Variants in NDRG2 observed in about 807,000 individuals in gnomAD.
NDRG2 encodes protein NDRG2.
Under a neutral mutation model 58.2 loss-of-function variants are expected in NDRG2, and 34 were observed. The observed-to-expected ratio is 0.58, with a 90% CI of 0.44 to 0.78. The LOEUF is 0.78. NDRG2 is among the 30% of genes least tolerant of loss of function. NDRG2 has a pLI of 0.00. For missense variants in NDRG2, 434 were observed against 471.2 expected (o/e 0.92, Z 0.73); for synonymous variants, 187 against 175.9 (o/e 1.06, Z -0.50).
At chr14:21,063,066 G>T (rs1005723104) in intron 1 of NDRG2, among the ~76,000 whole-genome samples, 5 of 151,920 alleles carry the variant, frequency 3.3e-5, no homozygotes, top group African/African-American at 1.2e-4. Flanking sequence ...GGAGGTGGTG[G>T]TTGCAGTCAG....
rs748374763 is a variant in NDRG2, at chr14:21,033,860, T to A, written c.25-10539A>T. On this transcript the variant is annotated intron_variant, in intron 1 of 14. Coordinates refer to the NDRG2 transcript ENST00000403829. The stretch of plus-strand genomic sequence containing the variant: ...GACCAGCGATACCTATTGGATCAGC[T>A]TCATACTTGCGGGAGCAGAGTAGGT... 16 of 1,613,954 alleles carry A rather than the reference T, an allele frequency of 9.9e-6. No individual in the cohort carries two copies. The African/African-American group carries it at 1.3e-4, about 13-fold the overall frequency.
At chr14:21,023,684 T>C (rs1882114364) in intron 1 of NDRG2, 1 of 224,058 alleles carries the variant, frequency 4.5e-6, no homozygotes, top group African/African-American at 2.2e-5. Context: ...CACTCTCAGG[T>C]AGGGAGTGAA....
rs1594403743 is a variant in NDRG2, at chr14:21,021,223, A to G, written c.408-379T>C. On this transcript the variant is annotated intron_variant, in intron 6 of 15. Transcript: ENST00000556147. ...CCTCTAGAGGAACGGGAAGAATGGA[A>G]CTTAAAGCAAATGTGAAAACAGACA... 7.6e-6 allele frequency: 3 copies of G among 396,924 alleles called. No individual in the cohort carries two copies. In the East Asian group the frequency reaches 2.0e-4, roughly 27 times the overall value. The allele number at this position is 396,924 out of a possible 1,614,324, so 24.6% of individuals were successfully genotyped here.
intron 1 of NDRG2, among the ~76,000 whole-genome samples, chr14:21,060,579 C>A (rs555031776): frequency 6.6e-6 from 1 of 152,282 alleles, no homozygotes; most frequent in South Asian, 2.1e-4. Context: ...CCACCATTAA[C>A]CTACTCCCAA....
chr14:21,020,386 TC>T (rs1400868126), intron 8 of NDRG2, 109 bp downstream of exon 8: 1 of 803,156 alleles, frequency 1.2e-6, no homozygotes, highest in Non-Finnish European at 2.1e-6. Flanking sequence ...GCCCCTTTAC[TC>T]CCTCCTTGAA....
upstream of NDRG2, among the ~76,000 whole-genome samples, chr14:21,026,461 C>A (rs1452818397): frequency 1.3e-5 from 2 of 151,160 alleles, no homozygotes; most frequent in East Asian, 2.0e-4. Context: ...ACTGCCCCCC[C>A]AAGACCCCCA....
intron 5 of NDRG2, 65 bp downstream of exon 5, chr14:21,021,997 C>T (rs888030711): frequency 7.4e-6 from 12 of 1,612,516 alleles, no homozygotes; most frequent in South Asian, 6.6e-5. Context: ...CCTCCCCAGT[C>T]GAACCTTTCC....
At chr14:21,047,223 C>G (rs1008896024) in intron 1 of NDRG2, among the ~76,000 whole-genome samples, 3 of 152,118 alleles carry the variant, frequency 2.0e-5, no homozygotes, top group African/African-American at 7.2e-5. Flanking sequence ...ATAATAAATA[C>G]CCATTTATAC....
At chr14:21,042,435 G>A (rs1446967419) in intron 1 of NDRG2, 1 of 161,702 alleles carries the variant, frequency 6.2e-6, no homozygotes, top group Non-Finnish European at 1.4e-5. Context: ...CGAAGACCAA[G>A]CGCAAAGGTG....
At chr14:21,021,928 C>T in intron 5 of NDRG2, 49 bp from the exon 6 acceptor site, 1 of 1,611,618 alleles carries the variant, frequency 6.2e-7, no homozygotes, top group Non-Finnish European at 8.5e-7. Context: ...CCCTCACACC[C>T]CCCACCTCAG....
At chr14:21,031,965 T>C (rs1884219136) in intron 1 of NDRG2, 2 of 1,614,008 alleles carry the variant, frequency 1.2e-6, no homozygotes, top group East Asian at 4.5e-5. Flanking sequence ...AAGGAGCGCT[T>C]TGATGAGAGT....
chr14:21,068,678 G>A (rs1345197957), intron 1 of NDRG2, among the ~76,000 whole-genome samples: 1 of 152,210 alleles, frequency 6.6e-6, no homozygotes, highest in Non-Finnish European at 1.5e-5. Flanking sequence ...CCTGGAGAGT[G>A]TCGGTGACTC....
At chr14:21,047,572 A>G (rs1457415949) in intron 1 of NDRG2, among the ~76,000 whole-genome samples, 1 of 152,250 alleles carries the variant, frequency 6.6e-6, no homozygotes, top group African/African-American at 2.4e-5. Context: ...ACTGTGATGC[A>G]TTCCTACTTG....
intron 15 of NDRG2, 70 bp downstream of exon 15, chr14:21,017,917 C>A (rs918570386): frequency 6.8e-6 from 11 of 1,612,966 alleles, no homozygotes; most frequent in Non-Finnish European, 9.3e-6. Flanking sequence ...CAGGCATTCA[C>A]CTAAAACGGT....
intron 1 of NDRG2, chr14:21,058,203 C>A (rs750634723): frequency 6.2e-7 from 1 of 1,614,024 alleles, no homozygotes; most frequent in Non-Finnish European, 8.5e-7. Flanking sequence ...GGGCCCATGT[C>A]CCTGACCATG....
chr14:21,058,805 G>A (rs1885802890), intron 1 of NDRG2, among the ~76,000 whole-genome samples: 1 of 152,240 alleles, frequency 6.6e-6, no homozygotes, highest in South Asian at 2.1e-4. Context: ...CCTGTGTTGG[G>A]CAAAGAAATG....
chr14:21,022,107 A>G lies in NDRG2; in HGVS notation c.299T>C (p.Val100Ala), dbSNP rs776631615. ...EIIQNFVRVH[V>A]DAPGMEEGAP... ...TCCCTCTTCCATTCCAGGGGCATCC[A>G]CATGAACCCGCACAAAGTTCTGAAT... Residue 100 changes from valine to alanine, a missense_variant, in exon 5 of 16, where the codon GTG (valine) becomes GCG (alanine). Physicochemically the swap from Val to Ala is moderately conservative, Grantham distance 64 (BLOSUM62 0). Coordinates refer to ENST00000556147, the MANE Select transcript of NDRG2 (RefSeq NM_001320329.2). The G allele has an allele frequency of 6.2e-7, 1 of 1,614,066 alleles. No individual in the cohort carries two copies. The highest frequency in any genetic ancestry group is 8.5e-7 in the Non-Finnish European group (1 of 1,180,040).
chr14:21,021,114 A>T (rs1219150603), intron 6 of NDRG2: 2 of 608,890 alleles, frequency 3.3e-6, no homozygotes, highest in South Asian at 1.5e-5. Context: ...GCCAACCAAC[A>T]CACTGTTTTC....
chr14:21,057,800 A>T, intron 1 of NDRG2: 3 of 1,087,176 alleles, frequency 2.8e-6, no homozygotes, highest in Non-Finnish European at 4.0e-6. Flanking sequence ...GGCTTAGGGT[A>T]TGAAATTCTT....
Sources: allele counts gnomAD v4.1 joint callset (sites outside exome capture counted in the v4.1 genomes callset), GRCh38; gene constraint gnomAD v4.1.1; transcripts MANE v1.5; gene names NCBI Gene and HGNC (gene_info 2026-07-23, HGNC 2026-07-21).